The following CR2 variants were observed in gnomAD, a reference collection of about 807,000 sequenced individuals.
CR2 encodes the protein complement C3d receptor 2.
A neutral mutation model predicts 123.0 loss-of-function variants in CR2; 96 were observed. That is an observed-to-expected ratio of 0.78 (90% CI 0.66 to 0.93). The LOEUF (loss-of-function observed/expected upper bound fraction) is 0.93, where lower values mean the gene tolerates loss of function less well. Among genes scored for constraint, CR2 ranks in the 40% least tolerant of loss-of-function variants. The pLI is 0.00. For missense variants in CR2, 1,258 were observed against 1,361.0 expected (o/e 0.92, Z 1.19); for synonymous variants, 484 against 469.5 (o/e 1.03, Z -0.40).
intron 6 of CR2, among the ~76,000 whole-genome samples, chr1:207,470,356 A>G (rs1215385647): frequency 6.6e-6 from 1 of 152,170 alleles, no homozygotes; most frequent in African/African-American, 2.4e-5. Flanking sequence ...AAATGAGGAG[A>G]AAAATGCTTG....
rs1418189448 is a variant in CR2 at position 207,473,201 on chromosome 1, A to T, written c.1978+22A>T. On this transcript the variant is annotated intron_variant, in intron 10 of 19. Transcript: ENST00000367057. Reference sequence around the variant, plus strand: ...AAAGGTAAAAACCCAATAAGGGGGAAAAAAGGAGAGATTTACTTAATTATT... The same window carrying T: ...AAAGGTAAAAACCCAATAAGGGGGATAAAAGGAGAGATTTACTTAATTATT... The T allele has an allele frequency of 3.1e-6, 5 of 1,609,380 alleles. No homozygotes were observed. The East Asian group carries it at 6.7e-5, about 22-fold the overall frequency.
chr1:207,472,630 G>T, intron 9 of CR2, 142 bp from the exon 10 acceptor site: 1 of 776,406 alleles, frequency 1.3e-6, no homozygotes, highest in Admixed American at 2.5e-5. Flanking sequence ...TACTTAATGA[G>T]CTTTCACACA....
chr1:207,461,925 T>A (rs1657976691), intron 1 of CR2, among the ~76,000 whole-genome samples: 1 of 152,138 alleles, frequency 6.6e-6, no homozygotes, highest in Admixed American at 6.6e-5. Flanking sequence ...GAGTGCTCCA[T>A]GCTTCCTTTT....
rs374421007 is a variant in CR2, at chr1:207,469,922, G to A, written c.1045G>A (p.Val349Ile). Residue 349 changes from valine to isoleucine, a missense_variant, in exon 6 of 20, where the codon GTT becomes ATT. Physicochemically the swap from Val to Ile is conservative, Grantham distance 29 (BLOSUM62 3). Coordinates refer to ENST00000367057, the MANE Select transcript of CR2 (RefSeq NM_001006658.3). ...APRCELSTSAVQCPHPQILRG... is the reference protein window; with the variant it reads ...APRCELSTSAIQCPHPQILRG... ...ACGCTGTGAACTTTCTACTTCTGCG[G>A]TTCAGTGTCCACATCCCCAGATCCT... 3 of 1,613,914 alleles carry A rather than the reference G, an allele frequency of 1.9e-6. No homozygotes were observed. In the African/African-American group the frequency reaches 4.0e-5, roughly 22 times the overall value.
intron 1 of CR2, among the ~76,000 whole-genome samples, chr1:207,462,626 A>T (rs1376908900): frequency 6.6e-6 from 1 of 152,216 alleles, no homozygotes; most frequent in Non-Finnish European, 1.5e-5. Context: ...AACAATTAGA[A>T]AAGTAAATTA....
At chr1:207,462,401 G>GA (rs879752509) in intron 1 of CR2, among the ~76,000 whole-genome samples, 15 of 152,164 alleles carry the variant, frequency 9.9e-5, no homozygotes, top group Non-Finnish European at 1.6e-4. Context: ...GATGTCTCTG[G>GA]AAAAAATCAG....
chr1:207,471,495 T>A lies in CR2; in HGVS notation c.1566T>A (p.Cys522Ter), dbSNP rs1156751558. The A allele has an allele frequency of 8.1e-6, 13 of 1,601,904 alleles. No homozygotes were observed. The highest frequency in any genetic ancestry group is 1.1e-5 in the South Asian group (1 of 90,844). The change falls in exon 9 of 20, where the codon TGT becomes TGA. Residue 522 changes from cysteine to a stop codon, truncating the protein, a stop_gained. Transcript: ENST00000367057. LOFTEE classifies it high-confidence loss of function. ...CTTGGTTTATGGAGATTCGTCTTTG[T>A]AAAGGTGAGTAGCAAAAATGATATA... ...TIPWFMEIRLCKEITCPPPPV... is the reference protein window; with the variant it reads ...TIPWFMEIRL
At chr1:207,482,469 C>T (rs1297864586) in intron 18 of CR2, among the ~76,000 whole-genome samples, 4 of 151,770 alleles carry the variant, frequency 2.6e-5, no homozygotes, top group Admixed American at 6.6e-5. Context: ...AGAAGTCATG[C>T]GAAAAGAGGA....
At chr1:207,480,136 A>C in intron 18 of CR2, 83 bp downstream of exon 18, 1 of 979,692 alleles carries the variant, frequency 1.0e-6, no homozygotes. Context: ...CAGAAGCACA[A>C]GTTATGTGAA....
At chr1:207,472,282 A>T (rs550188125) in intron 9 of CR2, among the ~76,000 whole-genome samples, 4 of 152,268 alleles carry the variant, frequency 2.6e-5, no homozygotes, top group East Asian at 3.9e-4. Context: ...TAGAAAATTT[A>T]AAAAACACTA....
rs1657796113 is a variant in CR2 at position 207,454,872 on chromosome 1, C to T, written c.58+396C>T. The stretch of plus-strand genomic sequence containing the variant: ...ACCCACTGCATGAGGCACCAGCTAG[C>T]CACGTGAGGCTGTTTCTGTACACCC... On this transcript the variant is annotated intron_variant, in intron 1 of 19. Transcript: ENST00000367057. The surrounding 1 kb of genome is among the most constrained non-coding windows in gnomAD (Gnocchi z 4.3). 1 of 187,312 alleles carries T rather than the reference C, an allele frequency of 5.3e-6. No homozygotes were observed. Among genetic ancestry groups the T allele is most frequent in the African/African-American group, 2.4e-5 (1 of 42,486 alleles). The allele number at this position is 187,312 out of a possible 1,614,324, so 11.6% of individuals were successfully genotyped here.
intron 1 of CR2, among the ~76,000 whole-genome samples, chr1:207,459,097 T>C (rs1450612586): frequency 6.6e-6 from 1 of 152,200 alleles, no homozygotes; most frequent in East Asian, 1.9e-4. Flanking sequence ...GATTACATAA[T>C]TGTTTTAGAA....
At position 207,474,222 on chromosome 1, in the gene CR2, A is replaced by G. The variant is rs367580083; in HGVS notation, c.2241-19A>G. ...TGATATTGGGAACAGGAAATGCATTATAATCTGTCTCTCTGTAGGTACCAG... is the reference window on the plus strand; with the variant it reads ...TGATATTGGGAACAGGAAATGCATTGTAATCTGTCTCTCTGTAGGTACCAG... On this transcript the variant is annotated intron_variant, in intron 12 of 19. Coordinates refer to ENST00000367057, the MANE Select transcript of CR2 (RefSeq NM_001006658.3). 3 of 1,573,062 alleles carry G rather than the reference A, an allele frequency of 1.9e-6. No individual in the cohort carries two copies. In the African/African-American group the frequency reaches 4.1e-5, roughly 21 times the overall value.
intron 1 of CR2, among the ~76,000 whole-genome samples, chr1:207,459,596 C>G (rs1339540159): frequency 1.3e-5 from 2 of 152,146 alleles, no homozygotes; most frequent in East Asian, 3.8e-4. Flanking sequence ...AAATATATCT[C>G]TGTTCATTTA....
At chr1:207,458,925 A>G (rs1364322506) in intron 1 of CR2, among the ~76,000 whole-genome samples, 2 of 152,210 alleles carry the variant, frequency 1.3e-5, no homozygotes, top group Non-Finnish European at 1.5e-5. Flanking sequence ...GTTAATATGC[A>G]TAACTGTTGT....
Position 207,468,829 on chromosome 1 carries a change from CCCA to C in CR2, c.665_667del (p.Pro222_Asn223delinsHis). 4 of 1,613,958 alleles carry C rather than the reference CCCA, an allele frequency of 2.5e-6. No homozygotes were observed. Among genetic ancestry groups the C allele is most frequent in the Non-Finnish European group, 1.7e-6 (2 of 1,179,922 alleles). On this transcript the variant is annotated inframe_deletion, in exon 4 of 20. Transcript: ENST00000367057. ...ACGCTGTAAATCTCTAGGACGATTT[CCCA>C]ATGGGAAGGTAAAGGAGCCTCCAAT... is the stretch of plus-strand genomic sequence containing the variant.
chr1:207,485,674 C>T (rs1216570238), intron 19 of CR2, 102 bp downstream of exon 19: 1 of 719,416 alleles, frequency 1.4e-6, no homozygotes, highest in African/African-American at 1.8e-5. Flanking sequence ...ATGCTTCTTA[C>T]TATTGCACAA....
chr1:207,480,274 A>G (rs769551926), intron 18 of CR2, among the ~76,000 whole-genome samples: 11 of 152,222 alleles, frequency 7.2e-5, no homozygotes, highest in Non-Finnish European at 1.3e-4. Context: ...CAGATAGTAT[A>G]TTGTAAACAA....
rs748861832 is a variant in CR2 at position 207,478,057 on chromosome 1, G to A, written c.3075G>A (p.Ala1025=). The change falls in exon 16 of 20, where the codon GCG becomes GCA. Residue 1025 remains alanine (A), a synonymous_variant. Coordinates refer to ENST00000367057, the MANE Select transcript of CR2 (RefSeq NM_001006658.3). The stretch of plus-strand genomic sequence containing the variant: ...ATCACCAATGGAACCCTCCCCTGGC[G>A]GTTTGCAGATCCCGTAAGTACCAAG... ...QSDHQWNPPL[A]VCRSRSLAPV... is the part of the protein sequence containing the mutation. 26 of 1,613,712 alleles carry A rather than the reference G, an allele frequency of 1.6e-5. No individual in the cohort carries two copies. Among genetic ancestry groups the A allele is most frequent in the East Asian group, 2.2e-5 (1 of 44,824 alleles).
Sources: allele counts gnomAD v4.1 joint callset (sites outside exome capture counted in the v4.1 genomes callset), GRCh38; gene constraint gnomAD v4.1.1; non-coding constraint Gnocchi (gnomAD v3.1); transcripts MANE v1.5; gene names NCBI Gene and HGNC (gene_info 2026-07-23, HGNC 2026-07-21).